The following G6PC3 variants were observed in gnomAD, a reference collection of about 807,000 sequenced individuals.
The protein encoded by G6PC3 is glucose-6-phosphatase catalytic subunit 3.
In G6PC3, 30 loss-of-function variants were observed where a neutral mutation model predicts 38.6. The ratio of observed to expected loss-of-function variants is 0.78; its 90% CI spans 0.58 to 1.05. The LOEUF (loss-of-function observed/expected upper bound fraction) is 1.05, where lower values mean the gene tolerates loss of function less well. Among genes scored for constraint, G6PC3 ranks in the 50% least tolerant of loss-of-function variants. The probability of loss-of-function intolerance (pLI) is 0.00; values close to 1 mark genes in which losing one functional copy is unlikely to be tolerated. For missense variants in G6PC3, 377 were observed against 443.1 expected (o/e 0.85, Z 1.34); for synonymous variants, 192 against 178.1 (o/e 1.08, Z -0.62).
intron 1 of G6PC3, chr17:44,073,185 C>G (rs2144142781): frequency 6.6e-6 from 1 of 152,400 alleles, no homozygotes; most frequent in Middle Eastern, 3.4e-3. Context: ...CTTTCTCAGC[C>G]TTCTCTGTCC....
At chr17:44,071,243 G>T (rs1484995668) in intron 1 of G6PC3, 60 bp downstream of exon 1, 1 of 1,574,496 alleles carries the variant, frequency 6.4e-7, no homozygotes, top group Non-Finnish European at 8.6e-7. Flanking sequence ...TGAGTCATGT[G>T]TAAGCCCTGG....
intron 1 of G6PC3, chr17:44,071,896 C>G (rs1316566116): frequency 8.1e-6 from 3 of 368,942 alleles, no homozygotes; most frequent in African/African-American, 6.3e-5. Flanking sequence ...TTTCATTCAC[C>G]AGTAGACTCT....
Position 44,074,355 on chromosome 17 carries a change from C to G in G6PC3, c.325+89C>G, listed in dbSNP as rs958605186. 4 of 1,032,362 alleles carry G rather than the reference C, an allele frequency of 3.9e-6. No homozygotes were observed. In the East Asian group the frequency reaches 9.5e-5, roughly 24 times the overall value. 64.0% of individuals were successfully genotyped at this position (1,032,362 alleles called of 1,614,324 possible). ...TACTTTTCAGCCTGGGTGGCCCAAC[C>G]AAAGGACCAGCCTCTCAATTACTGG... is the stretch of plus-strand genomic sequence containing the variant. On this transcript the variant is annotated intron_variant, in intron 2 of 5. Transcript: ENST00000269097.
At position 44,070,817 on chromosome 17, in the gene G6PC3, GGGCGGGGCTTGGTGGTGACCGCT is replaced by G. The variant is rs1567967345; in HGVS notation, c.-140_-118del. The G allele has an allele frequency of 7.3e-6, 6 of 825,848 alleles. No individual in the cohort carries two copies. Among genetic ancestry groups the G allele is most frequent in the South Asian group, 1.5e-5 (1 of 67,796 alleles). 51.2% of individuals were successfully genotyped at this position (825,848 alleles called of 1,614,324 possible). A position where few individuals can be genotyped will look rare whatever the true frequency, so the allele number is the denominator to read the frequency against. On this transcript the variant is annotated 5_prime_UTR_variant, in exon 1 of 6. Transcript: ENST00000269097. ...TCTTGCAGGAGCGGGGGACTGCTGGGGGCGGGGCTTGGTGGTGACCGCTGGCGGGGCGGGGCCTGGGGCTCAGA... is the reference window on the plus strand; with the variant it reads ...TCTTGCAGGAGCGGGGGACTGCTGGGGGCGGGGCGGGGCCTGGGGCTCAGA...
At chr17:44,074,914 G>A in intron 3 of G6PC3, 55 bp from the exon 4 acceptor site, 1 of 1,515,136 alleles carries the variant, frequency 6.6e-7, no homozygotes, top group Middle Eastern at 1.7e-4. Context: ...GGGTGCTGCA[G>A]GAGGCCAAGC....
intron 1 of G6PC3, chr17:44,072,028 G>C (rs1157590436): frequency 3.9e-6 from 1 of 255,386 alleles, no homozygotes; most frequent in East Asian, 1.0e-4. Flanking sequence ...TCCTCAGCCT[G>C]GGGGAAGGAA....
chr17:44,075,886 G>A lies in G6PC3; in HGVS notation c.884G>A (p.Gly295Asp), dbSNP rs1207660230. Residue 295 changes from glycine to aspartate, a missense_variant, in exon 6 of 6, where the codon GGC becomes GAC. By Grantham distance (94) the Gly-to-Asp change is moderately conservative. Coordinates refer to ENST00000269097, the MANE Select transcript of G6PC3 (RefSeq NM_138387.4). ...CTTGTGCTGGCCATGGGGCTGCTGG[G>A]CCCCCTGGACTGGCTGGGCCACCCC... ...ACLVLAMGLL[G>D]PLDWLGHPPQ... 6.2e-7 allele frequency: 1 copy of A among 1,612,544 alleles called. No individual in the cohort carries two copies. Among genetic ancestry groups the A allele is most frequent in the African/African-American group, 1.3e-5 (1 of 74,922 alleles).
At chr17:44,075,267 T>C (rs1434709581) in intron 4 of G6PC3, 43 bp from the exon 5 acceptor site, 3 of 1,612,684 alleles carry the variant, frequency 1.9e-6, no homozygotes, top group Non-Finnish European at 2.5e-6. Context: ...GGGAGGGTCA[T>C]ATCCCCAGAC....
chr17:44,070,959 G>C lies in G6PC3; in HGVS notation c.-7G>C. On this transcript the variant is annotated 5_prime_UTR_variant, in exon 1 of 6. Coordinates refer to ENST00000269097, the MANE Select transcript of G6PC3 (RefSeq NM_138387.4). ...CAAGCCGGGGCCTGGTCGGCAGCTG[G>C]GCCGCCATGGAGTCCACGCTGGGCG... is the stretch of plus-strand genomic sequence containing the variant. The C allele has an allele frequency of 3.9e-6, 6 of 1,550,236 alleles. No homozygotes were observed. Among genetic ancestry groups the C allele is most frequent in the Non-Finnish European group, 5.2e-6 (6 of 1,147,194 alleles).
In G6PC3 at chr17:44,076,034, C is replaced by T. The variant is rs774174457; in HGVS notation, c.1032C>T (p.His344=). Residue 344 remains histidine, a synonymous_variant, in exon 6 of 6, where the codon CAC becomes CAT. Transcript: ENST00000269097. The part of the protein sequence containing the change: ...MFSAQEAPPI[H]SS The stretch of plus-strand genomic sequence containing the variant: ...GTGCCCAGGAAGCACCGCCCATCCA[C>T]TCTTCCTGACTTCTTGTGTGCCTCC... The T allele has an allele frequency of 8.1e-6, 13 of 1,612,882 alleles. No homozygotes were observed. In the South Asian group the frequency reaches 1.2e-4, roughly 15 times the overall value.
In G6PC3 at chr17:44,076,173, C is replaced by T; in HGVS notation, c.*130C>T. On this transcript the variant is annotated 3_prime_UTR_variant, in exon 6 of 6. Coordinates refer to ENST00000269097, the MANE Select transcript of G6PC3 (RefSeq NM_138387.4). ...TCCCCTCCCTAAATCTGCTTCCGCA[C>T]CACCTGGTCTTAGCCCCAAAGATGG... 1 of 1,237,736 alleles carries T rather than the reference C, an allele frequency of 8.1e-7. No homozygotes were observed. Among genetic ancestry groups the T allele is most frequent in the Admixed American group, 1.7e-5 (1 of 59,504 alleles). 76.7% of individuals were successfully genotyped at this position (1,237,736 alleles called of 1,614,324 possible). A position where few individuals can be genotyped will look rare whatever the true frequency, so the allele number is the denominator to read the frequency against.
At chr17:44,074,425 G>A (rs1300665341) in intron 2 of G6PC3, among the ~76,000 whole-genome samples, 159 bp downstream of exon 2, 1 of 152,208 alleles carries the variant, frequency 6.6e-6, no homozygotes, top group African/African-American at 2.4e-5. Flanking sequence ...TGAGTTATGG[G>A]AGGAGGGCAC....
intron 1 of G6PC3, 30 bp from the exon 2 acceptor site, chr17:44,074,130 G>A (rs768891062): frequency 6.6e-7 from 1 of 1,515,196 alleles, no homozygotes; most frequent in Non-Finnish European, 9.2e-7. Context: ...TGTGCATGTG[G>A]AAAGTCATCT....
chr17:44,071,790 T>G, intron 1 of G6PC3: 1 of 497,532 alleles, frequency 2.0e-6, no homozygotes, highest in Middle Eastern at 6.6e-4. Flanking sequence ...AATCAAAATC[T>G]GCATTTTAAC....
rs1456245354 is a variant in G6PC3 at position 44,070,741 on chromosome 17, G to C, written c.-225G>C. 1.6e-6 allele frequency: 1 copy of C among 622,588 alleles called. No homozygotes were observed. The highest frequency in any genetic ancestry group is 2.4e-5 in the Admixed American group (1 of 40,952). 38.6% of individuals were successfully genotyped at this position (622,588 alleles called of 1,614,324 possible). On this transcript the variant is annotated 5_prime_UTR_variant, in exon 1 of 6. Coordinates refer to ENST00000269097, the MANE Select transcript of G6PC3 (RefSeq NM_138387.4). ...TTTGTCCCCTGCGCTGCCCAGTAGG[G>C]AGGAAAACCGGAGGAGAGCGCAGGA...
Position 44,075,056 on chromosome 17 carries a change from C to T in G6PC3, c.504C>T (p.Phe168=). Residue 168 remains phenylalanine, a synonymous_variant, in exon 4 of 6, where the codon TTC becomes TTT. Transcript: ENST00000269097. The stretch of plus-strand genomic sequence containing the variant: ...CGCGAATCTTCATCTTAGCACATTT[C>T]CCTCACCAGGTGCTGGCTGGCCTAA... ...GLSRIFILAH[F]PHQVLAGLIT... is the part of the protein sequence containing the mutation. 1 of 1,614,126 alleles carries T rather than the reference C, an allele frequency of 6.2e-7. No individual in the cohort carries two copies. Among genetic ancestry groups the T allele is most frequent in the Non-Finnish European group, 8.5e-7 (1 of 1,179,980 alleles).
chr17:44,071,474 A>G, intron 1 of G6PC3: 1 of 628,416 alleles, frequency 1.6e-6, no homozygotes, highest in South Asian at 2.0e-5. Flanking sequence ...ACTAATTTAG[A>G]AACTCCAAGG....
At chr17:44,073,285 G>A (rs2050015955) in intron 1 of G6PC3, 1 of 152,532 alleles carries the variant, frequency 6.6e-6, no homozygotes, top group Admixed American at 6.5e-5. Context: ...ATGGAGGCAG[G>A]GGTAGCAGGA....
chr17:44,073,280 G>A (rs2050015761), intron 1 of G6PC3: 1 of 152,506 alleles, frequency 6.6e-6, no homozygotes, highest in South Asian at 2.1e-4. Context: ...GGGACATGGA[G>A]GCAGGGGTAG....
Sources: gnomAD v4.1 joint callset for allele counts (sites outside exome capture counted in the v4.1 genomes callset) on GRCh38, gnomAD v4.1.1 for gene constraint, MANE v1.5 for transcripts, NCBI Gene and HGNC (gene_info 2026-07-23, HGNC 2026-07-21) for gene names.